The following SYN3 variants were observed in gnomAD, a reference collection of about 807,000 sequenced individuals.
SYN3 encodes the protein synapsin-3.
Under a neutral mutation model 65.8 loss-of-function variants are expected in SYN3, and 35 were observed. That is an observed-to-expected ratio of 0.53 (90% CI 0.41 to 0.70). The LOEUF is 0.70. SYN3 is among the 30% of genes least tolerant of loss of function. The pLI, the probability that SYN3 is intolerant of heterozygous loss-of-function variation, is 0.00. For synonymous variants in SYN3, 270 were observed against 292.9 expected, an observed-to-expected ratio of 0.92 and a Z score of 0.80; for missense variants, 680 against 749.0, an observed-to-expected ratio of 0.91 and a Z score of 1.08.
intron 7 of SYN3, among the ~76,000 whole-genome samples, chr22:32,542,594 TGTG>T (rs2058274419): frequency 6.6e-6 from 1 of 150,680 alleles, no homozygotes; most frequent in African/African-American, 2.4e-5. Context: ...GTGTTGTACA[TGTG>T]GTATATAGTA....
intron 6 of SYN3, among the ~76,000 whole-genome samples, chr22:32,662,408 C>G (rs1308558871): frequency 2.0e-5 from 3 of 152,196 alleles, no homozygotes; most frequent in African/African-American, 7.2e-5. Context: ...TTGGATTCCC[C>G]AGATGGAACT....
chr22:32,638,017 T>G (rs138343405), intron 6 of SYN3, among the ~76,000 whole-genome samples: 1 of 152,366 alleles, frequency 6.6e-6, no homozygotes, highest in African/African-American at 2.4e-5. Context: ...GTCATCTTTA[T>G]GTCCGTGAGT....
intron 7 of SYN3, among the ~76,000 whole-genome samples, chr22:32,564,005 G>C (rs2058623531): frequency 6.6e-6 from 1 of 151,846 alleles, no homozygotes; most frequent in Admixed American, 6.6e-5. Context: ...GAGGTAGCCA[G>C]TTCTGGGTTT....
chr22:33,042,834 A>T (rs961346591), intron 1 of SYN3, among the ~76,000 whole-genome samples: 18 of 152,154 alleles, frequency 1.2e-4, no homozygotes, highest in Non-Finnish European at 2.4e-4. Flanking sequence ...CCACCCCTAA[A>T]CTGTGCCATG....
At chr22:32,693,571 A>G (rs2060694634) in intron 6 of SYN3, among the ~76,000 whole-genome samples, 1 of 146,692 alleles carries the variant, frequency 6.8e-6, no homozygotes, top group Admixed American at 6.7e-5. Flanking sequence ...CGGGTAATAT[A>G]ATATTATTTT....
intron 6 of SYN3, among the ~76,000 whole-genome samples, chr22:32,611,218 C>T (rs545426926): frequency 1.7e-4 from 25 of 150,540 alleles, no homozygotes; most frequent in Non-Finnish European, 2.7e-4. Context: ...AAACCTTTTC[C>T]GTCTCATCCA....
chr22:32,622,647 T>G (rs1281179247), intron 6 of SYN3, among the ~76,000 whole-genome samples: 1 of 150,814 alleles, frequency 6.6e-6, no homozygotes, highest in Non-Finnish European at 1.5e-5. Flanking sequence ...GGCTTCCAGA[T>G]TAGCAAGTCC....
At chr22:32,636,908 C>T (rs907300989) in intron 6 of SYN3, among the ~76,000 whole-genome samples, 1 of 152,106 alleles carries the variant, frequency 6.6e-6, no homozygotes, top group African/African-American at 2.4e-5. Context: ...AGCAATTAAC[C>T]TCTTTTTGAA....
chr22:33,033,482 G>A lies in SYN3; in HGVS notation c.-163+24810C>T, dbSNP rs147145302. ...CCCAGCACCTCTCACCCTTAACTACGCACTTCTTCCATTATCCCACGGTAT... is the reference window on the plus strand; with the variant it reads ...CCCAGCACCTCTCACCCTTAACTACACACTTCTTCCATTATCCCACGGTAT... On this transcript the variant is annotated intron_variant, in intron 1 of 13. Transcript: ENST00000358763. Among the ~76,000 whole-genome samples, 858 of 152,104 alleles carry A rather than the reference G, an allele frequency of 5.6e-3. 10 individuals are homozygous for A. Among genetic ancestry groups the A allele is most frequent in the African/African-American group, 0.02 (830 of 41,494 alleles).
At chr22:32,841,600 ATAAATGTAGAC>A (rs1388070590) in intron 6 of SYN3, among the ~76,000 whole-genome samples, 1 of 152,168 alleles carries the variant, frequency 6.6e-6, no homozygotes, top group South Asian at 2.1e-4. Context: ...GCTTGCAGGT[ATAAATGTAGAC>A]TAAATGTAGA....
At chr22:32,603,738 G>A (rs956417311) in intron 6 of SYN3, among the ~76,000 whole-genome samples, 3 of 152,000 alleles carry the variant, frequency 2.0e-5, no homozygotes, top group Non-Finnish European at 2.9e-5. Context: ...ACATCTTGCC[G>A]GCTATTTTCT....
chr22:32,752,704 G>A (rs561985317), intron 6 of SYN3, among the ~76,000 whole-genome samples: 10 of 152,052 alleles, frequency 6.6e-5, no homozygotes, highest in Non-Finnish European at 1.5e-4. Flanking sequence ...CCCTGCTCTC[G>A]GCCAGTCACC....
chr22:32,795,111 G>GC lies in SYN3; in HGVS notation c.711+69803dup, dbSNP rs371890663. On this transcript the variant is annotated intron_variant, in intron 6 of 13. Coordinates refer to ENST00000358763, the MANE Select transcript of SYN3 (RefSeq NM_003490.4). ...CTGGGGATGAGCCAGATCACAGAGG[G>GC]CCTTGTTTGTCTTTGGAGCTTAAGA... Among the ~76,000 whole-genome samples the GC allele has an allele frequency of 5.9e-5, 9 of 152,326 alleles. No homozygotes were observed. The East Asian group carries it at 1.7e-3, about 29-fold the overall frequency.
chr22:32,723,462 C>T (rs1174908440), intron 6 of SYN3, among the ~76,000 whole-genome samples: 1 of 152,192 alleles, frequency 6.6e-6, no homozygotes, highest in Non-Finnish European at 1.5e-5. Context: ...AGATCCAGCC[C>T]TCTCATGTAA....
chr22:32,656,001 C>G (rs1000660811), intron 6 of SYN3, among the ~76,000 whole-genome samples: 1 of 152,186 alleles, frequency 6.6e-6, no homozygotes, highest in Non-Finnish European at 1.5e-5. Context: ...CAGTTACCCA[C>G]TCTACTTGTA....
intron 8 of SYN3, among the ~76,000 whole-genome samples, 154 bp downstream of exon 8, chr22:32,541,417 C>G (rs1009078548): frequency 6.6e-6 from 1 of 152,190 alleles, no homozygotes; most frequent in African/African-American, 2.4e-5. Flanking sequence ...GACTGGACAT[C>G]AGCCCCTCAG....
intron 6 of SYN3, among the ~76,000 whole-genome samples, chr22:32,602,873 T>G (rs2146628652): frequency 1.3e-5 from 2 of 152,356 alleles, no homozygotes; most frequent in South Asian, 4.1e-4. Flanking sequence ...AAACGAGACT[T>G]CATTAAACAT....
intron 9 of SYN3, among the ~76,000 whole-genome samples, chr22:32,535,621 G>A (rs544168198): frequency 1.3e-5 from 2 of 152,330 alleles, no homozygotes; most frequent in African/African-American, 4.8e-5. Context: ...TCAATGGAAC[G>A]TGGAAATTTG....
intron 7 of SYN3, among the ~76,000 whole-genome samples, chr22:32,573,160 C>A (rs979206361): frequency 2.6e-5 from 4 of 152,164 alleles, no homozygotes; most frequent in Non-Finnish European, 5.9e-5. Context: ...GCCAGCACAC[C>A]ACTGGCTGGA....
Sources: allele counts gnomAD v4.1 joint callset (sites outside exome capture counted in the v4.1 genomes callset), GRCh38; gene constraint gnomAD v4.1.1; transcripts MANE v1.5; gene names NCBI Gene and HGNC (gene_info 2026-07-23, HGNC 2026-07-21).